Variants in MYH14 observed in about 807,000 individuals in gnomAD.
MYH14 encodes myosin heavy chain 14, also known as myosin-14.
MYH14 carries 123 observed loss-of-function variants against 255.5 expected under a neutral mutation model. The observed-to-expected ratio is 0.48, with a 90% confidence interval of 0.42 to 0.56. MYH14 has a LOEUF of 0.56. Among genes scored for constraint, MYH14 ranks in the 20% least tolerant of loss-of-function variants. MYH14 has a pLI of 0.00. For synonymous variants in MYH14, 1,095 were observed against 1,161.2 expected, an observed-to-expected ratio of 0.94 and a Z score of 1.16; for missense variants, 2,423 against 2,802.3, an observed-to-expected ratio of 0.86 and a Z score of 3.06.
intron 12 of MYH14, among the ~76,000 whole-genome samples, chr19:50,247,782 G>A (rs1044281976): frequency 6.6e-6 from 1 of 152,014 alleles, no homozygotes; most frequent in Non-Finnish European, 1.5e-5. Context: ...GCAGGTCAGT[G>A]AGGCCGGGTG....
At chr19:50,302,896 C>T (rs766272176) in intron 40 of MYH14, among the ~76,000 whole-genome samples, 7 of 150,756 alleles carry the variant, frequency 4.6e-5, no homozygotes, top group African/African-American at 1.2e-4. Context: ...AGTGAAACTC[C>T]GCCTCAAAAA....
In MYH14 at chr19:50,232,114, G is replaced by A. The variant is rs531620639; in HGVS notation, c.1114+44G>A. ...GGCCAGGGGTAGGGGGGAACCCCAC[G>A]GAGAGCTGGGGACCTGGCCATTCAT... On this transcript the variant is annotated intron_variant, in intron 10 of 42. Coordinates refer to ENST00000642316, the MANE Select transcript of MYH14 (RefSeq NM_001145809.2). The A allele has an allele frequency of 7.1e-5, 113 of 1,601,746 alleles. No homozygotes were observed. The South Asian group carries it at 7.7e-4, about 11-fold the overall frequency.
Position 50,272,538 on chromosome 19 carries a change from C to A in MYH14, c.3296-22C>A. On this transcript the variant is annotated intron_variant, in intron 26 of 42. Coordinates refer to ENST00000642316, the MANE Select transcript of MYH14 (RefSeq NM_001145809.2). ...TGTGCAGGCCTGGAGTCCTCATGCA[C>A]GGCCCCCACCCCTGCCTCCAGACCG... 3 of 1,555,558 alleles carry A rather than the reference C, an allele frequency of 1.9e-6. No homozygotes were observed. In the East Asian group the frequency reaches 7.2e-5, roughly 37 times the overall value.
chr19:50,248,897 C>G, intron 12 of MYH14, 90 bp from the exon 13 acceptor site: 2 of 1,413,646 alleles, frequency 1.4e-6, no homozygotes, highest in South Asian at 2.4e-5. Context: ...TTAAGGGGGA[C>G]GAGCTGGGGG....
chr19:50,224,109 T>C (rs2032981954), intron 5 of MYH14, 45 bp from the exon 6 acceptor site: 2 of 1,436,942 alleles, frequency 1.4e-6, no homozygotes, highest in South Asian at 1.1e-5. Context: ...CCACGTTCCA[T>C]GTGCTGTGTC....
rs57153887 is a variant in MYH14, at chr19:50,302,284, TA to T, written c.5678+429del. On this transcript the variant is annotated intron_variant, in intron 40 of 42. Transcript: ENST00000642316. ...GAGTAACAGTGGAAGACCTTGTCTCTAAAAAAAAAAAAAACAGCCAGGCACA... is the reference window on the plus strand; with the variant it reads ...GAGTAACAGTGGAAGACCTTGTCTCTAAAAAAAAAAAAACAGCCAGGCACA... 3.7e-3 allele frequency among the ~76,000 whole-genome samples: 434 copies of T among 117,248 alleles called. 8 individuals carry two copies. Among genetic ancestry groups the T allele is most frequent in the African/African-American group, 8.5e-3 (255 of 29,846 alleles). 76.9% of individuals were successfully genotyped at this position (117,248 alleles called of 152,430 possible).
At chr19:50,289,834 C>T (rs917496900) in intron 35 of MYH14, among the ~76,000 whole-genome samples, 186 bp downstream of exon 35, 6 of 151,968 alleles carry the variant, frequency 3.9e-5, no homozygotes, top group African/African-American at 9.7e-5. Flanking sequence ...ACCTGCCACT[C>T]GGTGTCTCCC....
chr19:50,265,606 A>G (rs2035056474), intron 22 of MYH14, among the ~76,000 whole-genome samples: 1 of 152,260 alleles, frequency 6.6e-6, no homozygotes, highest in East Asian at 1.9e-4. Flanking sequence ...GGATCACTTC[A>G]GGTCAGGGGT....
In MYH14 at chr19:50,225,569, C is replaced by G. The variant is rs1453445549; in HGVS notation, c.718-16C>G. 1 of 1,609,308 alleles carries G rather than the reference C, an allele frequency of 6.2e-7. No homozygotes were observed. The highest frequency in any genetic ancestry group is 8.5e-7 in the Non-Finnish European group (1 of 1,177,546). ...CATTCTCACTGACCTCATGCATCATCTCCTGTGCCCGGCAGGGTGAGCTGG... is the reference window on the plus strand; with the variant it reads ...CATTCTCACTGACCTCATGCATCATGTCCTGTGCCCGGCAGGGTGAGCTGG... On this transcript the variant is annotated splice_polypyrimidine_tract_variant and intron_variant, in intron 6 of 42. Coordinates refer to ENST00000642316, the MANE Select transcript of MYH14 (RefSeq NM_001145809.2).
At chr19:50,246,971 T>C (rs1004129160) in intron 11 of MYH14, 33 bp from the exon 12 acceptor site, 2 of 1,501,426 alleles carry the variant, frequency 1.3e-6, no homozygotes, top group East Asian at 4.6e-5. Flanking sequence ...CTCTTCCCAG[T>C]GCTGATGGAA....
At chr19:50,299,761 A>G (rs1005679248) in intron 39 of MYH14, among the ~76,000 whole-genome samples, 1 of 151,558 alleles carries the variant, frequency 6.6e-6, no homozygotes, top group Non-Finnish European at 1.5e-5. Context: ...CCTGGCCAAC[A>G]TGGTAAAACC....
chr19:50,217,790 T>A lies in MYH14; in HGVS notation c.562+19T>A. On this transcript the variant is annotated intron_variant, in intron 3 of 42. Coordinates refer to ENST00000642316, the MANE Select transcript of MYH14 (RefSeq NM_001145809.2). ...CTGCAGGGTGAGTGCTGGGTGGGGC[T>A]GTAGGCCAGCGAGGCGGCTCTTCAA... The A allele has an allele frequency of 1.2e-6, 2 of 1,609,050 alleles. No individual in the cohort carries two copies. The highest frequency in any genetic ancestry group is 1.7e-6 in the Non-Finnish European group (2 of 1,177,224).
intron 39 of MYH14, among the ~76,000 whole-genome samples, chr19:50,298,067 C>A (rs2036341530): frequency 6.6e-6 from 1 of 152,128 alleles, no homozygotes; most frequent in South Asian, 2.1e-4. Context: ...CCAGAAGCTG[C>A]CCAAACCCTG....
chr19:50,289,957 C>G (rs1438453720), intron 35 of MYH14, among the ~76,000 whole-genome samples: 1 of 152,144 alleles, frequency 6.6e-6, no homozygotes, highest in African/African-American at 2.4e-5. Flanking sequence ...GACCCATTAA[C>G]CCACACACAT....
chr19:50,266,922 G>T lies in MYH14; in HGVS notation c.2740G>T (p.Ala914Ser). ...QVTRQDEVLQ[A>S]RAQELQKVQE... is the part of the protein sequence containing the mutation. ...GACGCGGCAGGATGAGGTGCTGCAGGCACGGGCCCAGGAGCTGCAGAAAGT... is the reference window on the plus strand; with the variant it reads ...GACGCGGCAGGATGAGGTGCTGCAGTCACGGGCCCAGGAGCTGCAGAAAGT... Residue 914 changes from alanine to serine, a missense_variant, in exon 23 of 43, where the codon GCA (alanine) becomes TCA (serine). This residue lies in a region of MYH14 where 1,513 missense variants were observed against 1,674.8 expected (regional missense o/e 0.90). Coordinates refer to ENST00000642316, the MANE Select transcript of MYH14 (RefSeq NM_001145809.2). The surrounding 1 kb of genome is among the most constrained non-coding windows in gnomAD (Gnocchi z 4.1). 1.3e-6 allele frequency: 2 copies of T among 1,552,956 alleles called. No individual in the cohort carries two copies. Among genetic ancestry groups the T allele is most frequent in the Non-Finnish European group, 1.7e-6 (2 of 1,147,740 alleles).
intron 25 of MYH14, 90 bp downstream of exon 25, chr19:50,271,636 A>G: frequency 6.6e-7 from 1 of 1,524,434 alleles, no homozygotes. Flanking sequence ...GGGTTACCAC[A>G]CTGCGGTTCT....
In MYH14 at chr19:50,267,024, C is replaced by T; in HGVS notation, c.2826+16C>T. On this transcript the variant is annotated intron_variant, in intron 23 of 42. Coordinates refer to ENST00000642316, the MANE Select transcript of MYH14 (RefSeq NM_001145809.2). Reference sequence around the variant, plus strand: ...AGTGGCACAGGTGAGGGGGCGGGGGCAGGGCGTGGGGGCGTGTCTTCGGGG... The same window carrying T: ...AGTGGCACAGGTGAGGGGGCGGGGGTAGGGCGTGGGGGCGTGTCTTCGGGG... The T allele has an allele frequency of 6.9e-7, 1 of 1,451,646 alleles. No individual in the cohort carries two copies. Among genetic ancestry groups the T allele is most frequent in the Non-Finnish European group, 9.1e-7 (1 of 1,094,742 alleles). The allele number at this position is 1,451,646 out of a possible 1,614,324, so 89.9% of individuals were successfully genotyped here.
chr19:50,263,428 C>A lies in MYH14; in HGVS notation c.2694+8C>A. On this transcript the variant is annotated splice_region_variant and intron_variant, in intron 22 of 42. Coordinates refer to ENST00000642316, the MANE Select transcript of MYH14 (RefSeq NM_001145809.2). ...TGGCGGCTGTTTACCAAGGTGAGGG[C>A]AGCCTGGGGAGGTGGCCCCAGTAGG... 6.3e-7 allele frequency: 1 copy of A among 1,583,418 alleles called. No individual in the cohort carries two copies. The highest frequency in any genetic ancestry group is 8.6e-7 in the Non-Finnish European group (1 of 1,164,614).
chr19:50,227,451 C>A (rs2033163774), intron 8 of MYH14, among the ~76,000 whole-genome samples: 1 of 152,106 alleles, frequency 6.6e-6, no homozygotes. Flanking sequence ...TCCCCGCCTG[C>A]ACCCCCCGTC....
Sources: gnomAD v4.1 joint callset for allele counts (sites outside exome capture counted in the v4.1 genomes callset) on GRCh38, gnomAD v4.1.1 for gene constraint, gnomAD v4.1.1 regional missense constraint, Gnocchi (gnomAD v3.1) non-coding constraint, MANE v1.5 for transcripts, NCBI Gene and HGNC (gene_info 2026-07-23, HGNC 2026-07-21) for gene names.